Variants in CPA6 observed in about 807,000 individuals in gnomAD.
The protein encoded by CPA6 is carboxypeptidase A6.
Under a neutral mutation model 63.3 loss-of-function variants are expected in CPA6, and 58 were observed. That is an observed-to-expected ratio of 0.92 (90% CI 0.74 to 1.14). The LOEUF (loss-of-function observed/expected upper bound fraction) is 1.14, where lower values mean the gene tolerates loss of function less well. Ranked by LOEUF, CPA6 falls within the 50% of genes most tolerant of loss-of-function variation. The probability of loss-of-function intolerance (pLI) is 0.00; values close to 1 mark genes in which losing one functional copy is unlikely to be tolerated. For missense variants in CPA6, 565 were observed against 526.6 expected, an observed-to-expected ratio of 1.07 and a Z score of -0.71; for synonymous variants, 185 against 179.0, an observed-to-expected ratio of 1.03 and a Z score of -0.27.
chr8:67,496,791 C>T (rs1811728997), intron 6 of CPA6, among the ~76,000 whole-genome samples: 1 of 151,782 alleles, frequency 6.6e-6, no homozygotes, highest in Non-Finnish European at 1.5e-5. Context: ...GAACTCCTGA[C>T]CTCATGATCT....
intron 2 of CPA6, among the ~76,000 whole-genome samples, chr8:67,585,533 A>C (rs940305809): frequency 6.6e-6 from 1 of 152,156 alleles, no homozygotes; most frequent in East Asian, 1.9e-4. Flanking sequence ...TTCTCGGTAG[A>C]TAAGAAATTG....
At chr8:67,503,245 G>C (rs971013801) in intron 6 of CPA6, among the ~76,000 whole-genome samples, 1 of 151,652 alleles carries the variant, frequency 6.6e-6, no homozygotes, top group Non-Finnish European at 1.5e-5. Context: ...TACCATGTTG[G>C]CCAGGCTGGT....
intron 2 of CPA6, among the ~76,000 whole-genome samples, chr8:67,538,683 G>C (rs989119274): frequency 6.6e-6 from 1 of 151,472 alleles, no homozygotes. Context: ...TTTTCTTGAC[G>C]GAGTCTTGCT....
At chr8:67,608,185 G>A (rs989185185) in intron 2 of CPA6, among the ~76,000 whole-genome samples, 1 of 152,150 alleles carries the variant, frequency 6.6e-6, no homozygotes, top group Non-Finnish European at 1.5e-5. Context: ...AGGGTCCCTG[G>A]CAAGGGCTCT....
At chr8:67,711,211 C>T (rs1042183445) in intron 1 of CPA6, among the ~76,000 whole-genome samples, 2 of 152,206 alleles carry the variant, frequency 1.3e-5, no homozygotes, top group African/African-American at 4.8e-5. Flanking sequence ...ATCCACAATC[C>T]TACTTTGAAA....
intron 2 of CPA6, among the ~76,000 whole-genome samples, chr8:67,526,411 TTCTTA>T (rs1203114157): frequency 6.6e-6 from 1 of 152,172 alleles, no homozygotes; most frequent in Non-Finnish European, 1.5e-5. Context: ...AATGGTCTTG[TTCTTA>T]TCTTATTTCA....
At chr8:67,684,001 GTA>G (rs3056573) in intron 1 of CPA6, among the ~76,000 whole-genome samples, 49,718 of 116,436 alleles carry the variant, frequency 0.43, 11,285 homozygotes, top group East Asian at 0.61. Context: ...ATTTTAAAAT[GTA>G]TATATATATA....
intron 2 of CPA6, among the ~76,000 whole-genome samples, chr8:67,549,308 A>G (rs919874228): frequency 3.9e-5 from 6 of 152,220 alleles, no homozygotes. Flanking sequence ...TTGAAAGATT[A>G]TGAAGCCTAG....
At chr8:67,593,137 T>G (rs1222193734) in intron 2 of CPA6, among the ~76,000 whole-genome samples, 2 of 150,900 alleles carry the variant, frequency 1.3e-5, no homozygotes, top group African/African-American at 4.9e-5. Flanking sequence ...TTCATTTCAT[T>G]ATGTACCCAG....
At chr8:67,685,673 T>A (rs1356881843) in intron 1 of CPA6, among the ~76,000 whole-genome samples, 1 of 152,216 alleles carries the variant, frequency 6.6e-6, no homozygotes, top group Non-Finnish European at 1.5e-5. Context: ...TGTGGTGTTA[T>A]AACAGCTCAT....
In CPA6 at chr8:67,638,657, A is replaced by C. The variant is rs185737035; in HGVS notation, c.117-14406T>G. 2.0e-5 allele frequency among the ~76,000 whole-genome samples: 3 copies of C among 151,636 alleles called. No individual in the cohort carries two copies. In the East Asian group the frequency reaches 5.8e-4, roughly 29 times the overall value. On this transcript the variant is annotated intron_variant, in intron 1 of 10. Coordinates refer to ENST00000297770, the MANE Select transcript of CPA6 (RefSeq NM_020361.5). ...CATCTAAGAGGAAGACCACTCCCCC[A>C]GGGGCAGCGTATGCTGAGGTGCAAA...
At chr8:67,697,878 T>C (rs151158459) in intron 1 of CPA6, among the ~76,000 whole-genome samples, 90 of 152,260 alleles carry the variant, frequency 5.9e-4, no homozygotes, top group African/African-American at 1.8e-3. Flanking sequence ...TATTTAAAAG[T>C]ATATATGTCT....
intron 2 of CPA6, among the ~76,000 whole-genome samples, chr8:67,591,555 A>G (rs531027023): frequency 1.3e-5 from 2 of 152,078 alleles, no homozygotes; most frequent in South Asian, 4.1e-4. Context: ...ATCCTCTTTT[A>G]TTTCATTGAG....
In CPA6 at chr8:67,566,142, G is replaced by A. The variant is rs542046878; in HGVS notation, c.193-48095C>T. On this transcript the variant is annotated intron_variant, in intron 2 of 10. Transcript: ENST00000297770. Reference sequence around the variant, plus strand: ...ATAGCCAATTCTCCAGTGTTCTTTTGTTTGGCATTCTCCTCTCTTCCCATT... The same window carrying A: ...ATAGCCAATTCTCCAGTGTTCTTTTATTTGGCATTCTCCTCTCTTCCCATT... Among the ~76,000 whole-genome samples, 156 of 152,240 alleles carry A rather than the reference G, an allele frequency of 1.0e-3. 1 individual carries two copies. Among genetic ancestry groups the A allele is most frequent in the African/African-American group, 3.7e-3 (152 of 41,568 alleles).
chr8:67,459,712 A>G (rs901767204), intron 8 of CPA6, among the ~76,000 whole-genome samples: 1 of 152,226 alleles, frequency 6.6e-6, no homozygotes, highest in Admixed American at 6.5e-5. Context: ...ACATTTTACC[A>G]AACCCATAGA....
At chr8:67,715,364 G>A (rs560000532) in intron 1 of CPA6, among the ~76,000 whole-genome samples, 5 of 152,312 alleles carry the variant, frequency 3.3e-5, no homozygotes, top group South Asian at 4.1e-4. Context: ...TGCCACTCAC[G>A]AAGTCACTTT....
intron 2 of CPA6, among the ~76,000 whole-genome samples, chr8:67,537,759 G>A (rs775301754): frequency 1.3e-5 from 2 of 151,990 alleles, no homozygotes; most frequent in Non-Finnish European, 2.9e-5. Flanking sequence ...TGCTTCTCTA[G>A]TTCTTTTAAT....
At chr8:67,422,758 T>C in intron 10 of CPA6, 67 bp from the exon 11 acceptor site, 2 of 1,202,884 alleles carry the variant, frequency 1.7e-6, no homozygotes, top group South Asian at 3.0e-5. Flanking sequence ...TCTAAATGTA[T>C]ATACTATAAA....
chr8:67,710,614 G>A (rs1386422378), intron 1 of CPA6, among the ~76,000 whole-genome samples: 1 of 151,936 alleles, frequency 6.6e-6, no homozygotes, highest in East Asian at 1.9e-4. Flanking sequence ...TATTAATGCT[G>A]ATTAGCTGTG....
Sources: allele counts gnomAD v4.1 joint callset (sites outside exome capture counted in the v4.1 genomes callset), GRCh38; gene constraint gnomAD v4.1.1; transcripts MANE v1.5; gene names NCBI Gene and HGNC (gene_info 2026-07-23, HGNC 2026-07-21).